STXBP5: variants seen among roughly 807,000 people sequenced by gnomAD.
STXBP5 encodes syntaxin-binding protein 5.
In STXBP5, 50 loss-of-function variants were observed where a neutral mutation model predicts 152.4. The ratio of observed to expected loss-of-function variants is 0.33; its 90% confidence interval spans 0.26 to 0.42. STXBP5 has a LOEUF of 0.42. STXBP5 is among the 10% of genes least tolerant of loss of function. The probability of loss-of-function intolerance (pLI) is 1.00; values close to 1 mark genes in which losing one functional copy is unlikely to be tolerated. For missense variants in STXBP5, 1,167 were observed against 1,388.6 expected, an observed-to-expected ratio of 0.84 and a Z score of 2.54; for synonymous variants, 492 against 494.7, an observed-to-expected ratio of 0.99 and a Z score of 0.07.
chr6:147,268,967 A>G (rs920974254), intron 7 of STXBP5, among the ~76,000 whole-genome samples: 1 of 152,172 alleles, frequency 6.6e-6, no homozygotes, highest in Non-Finnish European at 1.5e-5. Context: ...AGTCTCCCTG[A>G]GTTGAAAAGT....
intron 8 of STXBP5, among the ~76,000 whole-genome samples, chr6:147,286,342 G>T (rs1310268273): frequency 1.3e-5 from 2 of 152,060 alleles, no homozygotes; most frequent in African/African-American, 4.8e-5. Flanking sequence ...ATTAAGACAG[G>T]ATTCAATGTT....
At chr6:147,378,789 A>G (rs1785933704) in intron 26 of STXBP5, among the ~76,000 whole-genome samples, 1 of 152,170 alleles carries the variant, frequency 6.6e-6, no homozygotes, top group Non-Finnish European at 1.5e-5. Context: ...TAACAGTAAT[A>G]AAAAATGAAA....
At chr6:147,224,574 T>C (rs1410952726) in intron 2 of STXBP5, among the ~76,000 whole-genome samples, 1 of 152,242 alleles carries the variant, frequency 6.6e-6, no homozygotes, top group Non-Finnish European at 1.5e-5. Context: ...AGTTAGATTG[T>C]TTTAGTTATT....
chr6:147,342,338 C>T (rs1784130091), intron 21 of STXBP5, among the ~76,000 whole-genome samples: 1 of 152,068 alleles, frequency 6.6e-6, no homozygotes, highest in South Asian at 2.1e-4. Context: ...CTACCCAAAG[C>T]CTAGCTTCAT....
intron 2 of STXBP5, among the ~76,000 whole-genome samples, chr6:147,230,701 GC>G (rs1188272829): frequency 6.6e-6 from 1 of 151,496 alleles, no homozygotes; most frequent in African/African-American, 2.4e-5. Context: ...TTGCATGTAT[GC>G]TATAAGGGTT....
intron 6 of STXBP5, among the ~76,000 whole-genome samples, chr6:147,264,693 T>C (rs1291287499): frequency 6.6e-6 from 1 of 152,128 alleles, no homozygotes; most frequent in African/African-American, 2.4e-5. Context: ...AACATCTCTA[T>C]GGGTTATAAA....
rs1400009715 is a variant in STXBP5, at chr6:147,382,919, G to C, written c.3335G>C (p.Gly1112Ala). 4 of 1,613,326 alleles carry C rather than the reference G, an allele frequency of 2.5e-6. No individual in the cohort carries two copies. The highest frequency in any genetic ancestry group is 2.5e-6 in the Non-Finnish European group (3 of 1,179,674). ...ARARLALDER[G>A]QKLGDLEERT... is the part of the protein sequence containing the mutation. ...GCCAGGCTGGCACTAGATGAAAGAG[G>C]GCAGAAACTTGGCGATCTGGAAGAA... is the stretch of plus-strand genomic sequence containing the variant. Residue 1112 changes from glycine (G) to alanine (A), a missense_variant, in exon 27 of 28, where the codon GGG (glycine) becomes GCG (alanine). Transcript: ENST00000321680.
At chr6:147,372,560 A>G (rs1307924946) in intron 25 of STXBP5, among the ~76,000 whole-genome samples, 1 of 148,852 alleles carries the variant, frequency 6.7e-6, no homozygotes, top group Admixed American at 6.7e-5. Context: ...TCAGCCTCCT[A>G]AGTAGCTGGG....
chr6:147,261,210 T>A (rs1044185865), intron 5 of STXBP5, among the ~76,000 whole-genome samples: 1 of 152,044 alleles, frequency 6.6e-6, no homozygotes, highest in Admixed American at 6.6e-5. Context: ...ATTATCAAAT[T>A]AATTTTGTTT....
chr6:147,303,766 G>A (rs1355992749), intron 9 of STXBP5, among the ~76,000 whole-genome samples: 1 of 152,152 alleles, frequency 6.6e-6, no homozygotes, highest in East Asian at 1.9e-4. Flanking sequence ...ATAGTGATGT[G>A]GACAGTGAAG....
At chr6:147,265,604 G>A (rs751944061) in intron 6 of STXBP5, among the ~76,000 whole-genome samples, 2 of 152,048 alleles carry the variant, frequency 1.3e-5, no homozygotes, top group Non-Finnish European at 2.9e-5. Context: ...TGAAAGGGGA[G>A]GAGGTTTTAA....
At chr6:147,205,243 C>G (rs1000585081) in intron 1 of STXBP5, among the ~76,000 whole-genome samples, 1 of 151,990 alleles carries the variant, frequency 6.6e-6, no homozygotes, top group Admixed American at 6.6e-5. Flanking sequence ...TTCTGTAATT[C>G]AGAAAGAATG....
chr6:147,378,409 TAAA>T (rs34601059), intron 26 of STXBP5, among the ~76,000 whole-genome samples: 10 of 136,046 alleles, frequency 7.4e-5, no homozygotes, highest in Non-Finnish European at 9.5e-5. Flanking sequence ...GATTTATCAT[TAAA>T]AAAAAAAAAA....
intron 4 of STXBP5, among the ~76,000 whole-genome samples, chr6:147,243,565 T>G (rs1778653412): frequency 6.6e-6 from 1 of 152,194 alleles, no homozygotes; most frequent in Non-Finnish European, 1.5e-5. Flanking sequence ...GTAGAGCAGA[T>G]ATTTCCTATT....
chr6:147,366,983 G>C (rs1473754335), intron 25 of STXBP5, among the ~76,000 whole-genome samples: 1 of 152,178 alleles, frequency 6.6e-6, no homozygotes, highest in Non-Finnish European at 1.5e-5. Context: ...AAAAACATGA[G>C]CCATCATGAG....
intron 12 of STXBP5, 43 bp downstream of exon 12, chr6:147,314,074 TTATTC>T: frequency 6.6e-7 from 1 of 1,525,544 alleles, no homozygotes; most frequent in African/African-American, 1.4e-5. Flanking sequence ...TATTTCTTAT[TTATTC>T]TATATTTATC....
At chr6:147,332,246 CAA>C (rs1415547103) in intron 18 of STXBP5, among the ~76,000 whole-genome samples, 1 of 152,100 alleles carries the variant, frequency 6.6e-6, no homozygotes, top group African/African-American at 2.4e-5. Context: ...TTATAGGCAG[CAA>C]AACAGACAAA....
intron 4 of STXBP5, among the ~76,000 whole-genome samples, chr6:147,250,374 C>T (rs1779021178): frequency 6.6e-6 from 1 of 152,120 alleles, no homozygotes; most frequent in Non-Finnish European, 1.5e-5. Flanking sequence ...TCCCTGGACT[C>T]AACCAACTAT....
At chr6:147,302,911 G>C (rs1175976781) in intron 9 of STXBP5, among the ~76,000 whole-genome samples, 1 of 152,102 alleles carries the variant, frequency 6.6e-6, no homozygotes, top group Non-Finnish European at 1.5e-5. Context: ...ACAAATATAG[G>C]AGTGAGTATG....
Sources: allele counts gnomAD v4.1 joint callset (sites outside exome capture counted in the v4.1 genomes callset), GRCh38; gene constraint gnomAD v4.1.1; transcripts MANE v1.5; gene names NCBI Gene and HGNC (gene_info 2026-07-23, HGNC 2026-07-21).